COL4A6: variants seen among roughly 807,000 people sequenced by gnomAD.
COL4A6 encodes the protein collagen alpha-6(IV) chain.
COL4A6 carries 59 observed loss-of-function variants against 126.7 expected under a neutral mutation model. That is an observed-to-expected ratio of 0.47 (90% CI 0.38 to 0.58). COL4A6 has a LOEUF of 0.58. COL4A6 is among the 20% of genes least tolerant of loss of function. The pLI is 0.00. For synonymous variants in COL4A6, 547 were observed against 496.6 expected (o/e 1.10, Z -1.35); for missense variants, 1,285 against 1,337.3 (o/e 0.96, Z 0.61).
intron 3 of COL4A6, among the ~76,000 whole-genome samples, chrX:108,277,942 G>C (rs926189428): frequency 4.5e-5 from 5 of 112,212 alleles, no homozygotes; most frequent in African/African-American, 1.6e-4. Context: ...CTGTCTGTTA[G>C]AAGGAAAACT....
chrX:108,422,816 G>T (rs1290436817), intron 2 of COL4A6, among the ~76,000 whole-genome samples: 1 of 111,686 alleles, frequency 9.0e-6, no homozygotes, highest in Non-Finnish European at 1.9e-5. Context: ...ACAGGTGCTG[G>T]ACATCAAAAC....
intron 2 of COL4A6, among the ~76,000 whole-genome samples, chrX:108,333,934 A>C (rs1437344911): frequency 8.9e-6 from 1 of 111,818 alleles, no homozygotes; most frequent in Non-Finnish European, 1.9e-5. Context: ...ATGCTCATGG[A>C]TTGAAAGAAT....
intron 42 of COL4A6, 59 bp from the exon 43 acceptor site, chrX:108,160,713 T>TCACATTGTACCA: frequency 9.8e-7 from 1 of 1,017,596 alleles, no homozygotes; most frequent in Middle Eastern, 2.7e-4. Flanking sequence ...CATCAGCTAC[T>TCACATTGTACCA]CACATTGTAC....
intron 2 of COL4A6, among the ~76,000 whole-genome samples, chrX:108,396,831 T>A (rs185318655): frequency 8.9e-6 from 1 of 111,847 alleles, no homozygotes; most frequent in Admixed American, 9.5e-5. Context: ...GTTCGATTTC[T>A]ATGTCTCTTT....
intron 37 of COL4A6, 35 bp from the exon 38 acceptor site, chrX:108,165,521 C>G: frequency 1.0e-6 from 1 of 980,550 alleles, no homozygotes; most frequent in Non-Finnish European, 1.4e-6. Flanking sequence ...TGGATAGGCT[C>G]TGTGTGCCCA....
intron 3 of COL4A6, among the ~76,000 whole-genome samples, chrX:108,280,037 AG>A (rs1212860766): frequency 9.0e-6 from 1 of 111,608 alleles, no homozygotes; most frequent in African/African-American, 3.3e-5. Flanking sequence ...CACAGGAGAA[AG>A]CAGGAAAGAT....
chrX:108,223,164 C>T (rs756482085), intron 3 of COL4A6, among the ~76,000 whole-genome samples: 58 of 111,198 alleles, frequency 5.2e-4, no homozygotes, highest in African/African-American at 1.5e-3. Flanking sequence ...CTCACTCATA[C>T]GTGGGAGTTG....
intron 3 of COL4A6, among the ~76,000 whole-genome samples, chrX:108,262,854 T>C (rs898979166): frequency 8.9e-6 from 1 of 111,810 alleles, no homozygotes; most frequent in Non-Finnish European, 1.9e-5. Flanking sequence ...AGCCTCTGTC[T>C]CTTAAGACCA....
chrX:108,326,191 G>A (rs1218840827), intron 2 of COL4A6, among the ~76,000 whole-genome samples: 1 of 112,236 alleles, frequency 8.9e-6, no homozygotes, highest in African/African-American at 3.2e-5. Flanking sequence ...ACTAATAAGT[G>A]AGTTTAGTAA....
intron 3 of COL4A6, among the ~76,000 whole-genome samples, chrX:108,303,529 C>T (rs772038525): frequency 8.9e-6 from 1 of 111,903 alleles, no homozygotes; most frequent in East Asian, 2.8e-4. Flanking sequence ...TTTGTGCACA[C>T]AGATATGCAG....
At chrX:108,432,123 C>T (rs1336287635) in intron 2 of COL4A6, among the ~76,000 whole-genome samples, 1 of 112,198 alleles carries the variant, frequency 8.9e-6, no homozygotes, top group Non-Finnish European at 1.9e-5. Context: ...CAAGGTATTT[C>T]AGATGACTAC....
intron 2 of COL4A6, chrX:108,383,702 A>T: frequency 2.0e-6 from 1 of 506,022 alleles, no homozygotes. Flanking sequence ...GAGAGTGGTA[A>T]CTTTACTAGT....
intron 2 of COL4A6, among the ~76,000 whole-genome samples, chrX:108,431,830 G>A (rs1371882654): frequency 9.0e-6 from 1 of 111,675 alleles, no homozygotes; most frequent in Non-Finnish European, 1.9e-5. Flanking sequence ...ATGCAAATTG[G>A]TCTCTCTCTG....
intron 3 of COL4A6, among the ~76,000 whole-genome samples, chrX:108,283,762 A>T (rs1350795282): frequency 1.8e-5 from 2 of 111,496 alleles, no homozygotes; most frequent in Admixed American, 1.9e-4. Flanking sequence ...AAAATCTACC[A>T]TGACAAAGGC....
chrX:108,383,300 T>C (rs980140354), intron 2 of COL4A6: 17 of 181,248 alleles, frequency 9.4e-5, no homozygotes, highest in Admixed American at 3.0e-4. Flanking sequence ...GGACATTTTA[T>C]CATGATGAAA....
At chrX:108,160,885 T>C (rs1342067279) in intron 42 of COL4A6, among the ~76,000 whole-genome samples, 3 of 112,252 alleles carry the variant, frequency 2.7e-5, no homozygotes, top group African/African-American at 9.7e-5. Flanking sequence ...CTCAGATGTA[T>C]CCAGCTACAG....
chrX:108,172,693 A>G (rs974323971), intron 31 of COL4A6, among the ~76,000 whole-genome samples, 161 bp from the exon 32 acceptor site: 8 of 111,739 alleles, frequency 7.2e-5, no homozygotes, highest in African/African-American at 2.6e-4. Flanking sequence ...ATGTCCTGCA[A>G]ACGGGAAGGT....
At chrX:108,326,357 A>C (rs990127373) in intron 2 of COL4A6, among the ~76,000 whole-genome samples, 2 of 112,609 alleles carry the variant, frequency 1.8e-5, no homozygotes, top group Non-Finnish European at 3.7e-5. Context: ...TTTGCATGGC[A>C]AAGTTAATTG....
In COL4A6 at chrX:108,156,003, CAA is replaced by C. The variant is rs1302510817; in HGVS notation, c.*995_*996del. On this transcript the variant is annotated 3_prime_UTR_variant, in exon 45 of 45. Coordinates refer to ENST00000334504, the MANE Select transcript of COL4A6 (RefSeq NM_033641.4). ...AAAGAGCAATTGGATAACCATTTAA[CAA>C]AGTCTTTAACATCCTCAGAATACAA... is the stretch of plus-strand genomic sequence containing the variant. 2 of 112,158 alleles carry C rather than the reference CAA, an allele frequency of 1.8e-5. No homozygotes were observed. Among genetic ancestry groups the C allele is most frequent in the East Asian group, 5.6e-4 (2 of 3,595 alleles). 9.2% of individuals were successfully genotyped at this position (112,158 alleles called of 1,213,427 possible). A position where few individuals can be genotyped will look rare whatever the true frequency, so the allele number is the denominator to read the frequency against.
Sources: allele counts gnomAD v4.1 joint callset (sites outside exome capture counted in the v4.1 genomes callset), GRCh38; gene constraint gnomAD v4.1.1; transcripts MANE v1.5; gene names NCBI Gene and HGNC (gene_info 2026-07-23, HGNC 2026-07-21).